STIM2: variants seen among roughly 807,000 people sequenced by gnomAD.
STIM2 encodes stromal interaction molecule 2.
STIM2 carries 31 observed loss-of-function variants against 85.8 expected under a neutral mutation model. The ratio of observed to expected loss-of-function variants is 0.36; its 90% CI spans 0.27 to 0.49. STIM2 has a LOEUF of 0.49. STIM2 is among the 20% of genes least tolerant of loss of function. STIM2 has a pLI of 0.98. For missense variants in STIM2, 841 were observed against 927.6 expected (o/e 0.91, Z 1.21); for synonymous variants, 356 against 331.1 (o/e 1.08, Z -0.82).
chr4:27,002,470 A>T (rs1040352364), intron 6 of STIM2, 76 bp downstream of exon 6: 4 of 1,149,420 alleles, frequency 3.5e-6, no homozygotes, highest in Non-Finnish European at 4.9e-6. Context: ...GCATGTGCTT[A>T]AATACTTACA....
At chr4:26,862,675 T>C (rs1272879813) in intron 1 of STIM2, among the ~76,000 whole-genome samples, 5 of 152,210 alleles carry the variant, frequency 3.3e-5, no homozygotes, top group Admixed American at 3.3e-4. Flanking sequence ...AAATGGAACT[T>C]GATACATCAA....
At chr4:26,896,066 G>C (rs1279435083) in intron 1 of STIM2, among the ~76,000 whole-genome samples, 2 of 152,124 alleles carry the variant, frequency 1.3e-5, no homozygotes, top group Non-Finnish European at 2.9e-5. Flanking sequence ...GGCTTATTCT[G>C]GTTGTTGAGG....
At chr4:26,980,432 C>A in intron 3 of STIM2, among the ~76,000 whole-genome samples, 1 of 151,248 alleles carries the variant, frequency 6.6e-6, no homozygotes, top group Non-Finnish European at 1.5e-5. Flanking sequence ...AAGTAGAATA[C>A]TTTCTTCCTC....
rs536528513 is a variant in STIM2, at chr4:26,933,498, A to G, written c.282+13864A>G. 4.5e-3 allele frequency among the ~76,000 whole-genome samples: 691 copies of G among 152,298 alleles called. 9 individuals are homozygous for G. Among genetic ancestry groups the G allele is most frequent in the African/African-American group, 0.016 (669 of 41,572 alleles). On this transcript the variant is annotated intron_variant, in intron 2 of 11. Transcript: ENST00000467087. ...TCAATTAGCATTTCTGATAGCAGCA[A>G]AAAGGAAAATGACTTTCTATAGGTC...
chr4:26,945,186 A>C (rs1725772028), intron 2 of STIM2, among the ~76,000 whole-genome samples: 1 of 152,180 alleles, frequency 6.6e-6, no homozygotes, highest in Admixed American at 6.6e-5. Context: ...TACAAATGAG[A>C]ACATGCAGTA....
chr4:26,927,907 A>G (rs1488456373), intron 2 of STIM2, among the ~76,000 whole-genome samples: 1 of 148,118 alleles, frequency 6.8e-6, no homozygotes, highest in Non-Finnish European at 1.5e-5. Context: ...ATATTAATAT[A>G]TTTCTTAGTC....
At chr4:26,861,391 G>T in intron 1 of STIM2, 22 bp downstream of exon 1, 1 of 1,283,878 alleles carries the variant, frequency 7.8e-7, no homozygotes, top group South Asian at 2.5e-5. Flanking sequence ...GGGGGCGGCG[G>T]GCGGGGCTCG....
At chr4:26,951,660 TA>T (rs1164134222) in intron 2 of STIM2, among the ~76,000 whole-genome samples, 1 of 152,128 alleles carries the variant, frequency 6.6e-6, no homozygotes, top group African/African-American at 2.4e-5. Context: ...TCTGACTTAC[TA>T]AAGTTTAGCA....
intron 3 of STIM2, among the ~76,000 whole-genome samples, chr4:26,966,813 G>C (rs7693687): frequency 0.3 from 46,163 of 151,814 alleles, 7,394 homozygotes; most frequent in East Asian, 0.63. Flanking sequence ...ATTAAAAACC[G>C]TTTCAATCTC....
chr4:26,970,225 ATATATATATATATATATATATGTATGTAT>A (rs1225661909), intron 3 of STIM2, among the ~76,000 whole-genome samples: 1 of 80,338 alleles, frequency 1.2e-5, no homozygotes, highest in Non-Finnish European at 2.7e-5. Context: ...ATATATATGT[ATATATATATATATATATATATGTATGTAT>A]TTTTTTATTA....
At chr4:26,906,337 C>G (rs1380223082) in intron 1 of STIM2, among the ~76,000 whole-genome samples, 1 of 151,994 alleles carries the variant, frequency 6.6e-6, no homozygotes, top group African/African-American at 2.4e-5. Context: ...TTGCCTATTA[C>G]CTGGGTATTA....
At chr4:26,997,495 C>T (rs968769346) in intron 4 of STIM2, among the ~76,000 whole-genome samples, 2 of 152,160 alleles carry the variant, frequency 1.3e-5, no homozygotes, top group African/African-American at 4.8e-5. Context: ...TGTGGCCTTC[C>T]CTGACACCCT....
chr4:26,884,674 C>G (rs58968032), intron 1 of STIM2, among the ~76,000 whole-genome samples: 1 of 152,216 alleles, frequency 6.6e-6, no homozygotes, highest in East Asian at 1.9e-4. Context: ...AGTAGAAACA[C>G]CCTGTTTATT....
At chr4:26,893,720 G>A (rs537984537) in intron 1 of STIM2, among the ~76,000 whole-genome samples, 4 of 152,166 alleles carry the variant, frequency 2.6e-5, no homozygotes, top group African/African-American at 7.2e-5. Context: ...TTGCCAAAGC[G>A]GATGTATCAG....
chr4:26,890,024 C>G (rs926810168), intron 1 of STIM2, among the ~76,000 whole-genome samples: 9 of 152,168 alleles, frequency 5.9e-5, no homozygotes, highest in Admixed American at 3.9e-4. Context: ...GGTGGCACCT[C>G]TGGCCATTTC....
chr4:26,861,847 C>G (rs965319660), intron 1 of STIM2, among the ~76,000 whole-genome samples: 2 of 152,044 alleles, frequency 1.3e-5, no homozygotes, highest in African/African-American at 4.8e-5. Context: ...CCCAGGGGAG[C>G]CTGCTAAAGG....
intron 2 of STIM2, among the ~76,000 whole-genome samples, chr4:26,956,560 C>T (rs1286414390): frequency 6.6e-6 from 1 of 151,780 alleles, no homozygotes; most frequent in Non-Finnish European, 1.5e-5. Context: ...TCTCCTGCCT[C>T]AGCCTATCTC....
chr4:27,021,714 A>G, intron 11 of STIM2: 1 of 439,874 alleles, frequency 2.3e-6, no homozygotes, highest in Non-Finnish European at 4.6e-6. Context: ...CAGGAAGACC[A>G]ATTAGGAAGC....
At chr4:27,020,158 T>TA (rs1728865467) in intron 11 of STIM2, among the ~76,000 whole-genome samples, 2 of 152,182 alleles carry the variant, frequency 1.3e-5, no homozygotes, top group African/African-American at 4.8e-5. Flanking sequence ...CACACATTGT[T>TA]TAGAGTTTAG....
Sources: gnomAD v4.1 joint callset for allele counts (sites outside exome capture counted in the v4.1 genomes callset) on GRCh38, gnomAD v4.1.1 for gene constraint, MANE v1.5 for transcripts, NCBI Gene and HGNC (gene_info 2026-07-23, HGNC 2026-07-21) for gene names.